The following SPAG16 variants were observed in gnomAD, a reference collection of about 807,000 sequenced individuals.
SPAG16 encodes the protein sperm-associated antigen 16 protein.
In SPAG16, 86 loss-of-function variants were observed where a neutral mutation model predicts 80.4. That is an observed-to-expected ratio of 1.07 (90% CI 0.90 to 1.28). SPAG16 has a LOEUF of 1.28. SPAG16 is among the 50% of genes most tolerant of loss of function. SPAG16 has a pLI of 0.00. For missense variants in SPAG16, 870 were observed against 765.3 expected (o/e 1.14, Z -1.61); for synonymous variants, 294 against 265.9 (o/e 1.11, Z -1.03).
At chr2:214,187,223 C>T (rs2057508880) in intron 15 of SPAG16, among the ~76,000 whole-genome samples, 1 of 152,150 alleles carries the variant, frequency 6.6e-6, no homozygotes, top group Non-Finnish European at 1.5e-5. Flanking sequence ...CACACACACA[C>T]ACAAAGTTCC....
intron 8 of SPAG16, among the ~76,000 whole-genome samples, chr2:213,367,649 G>A (rs925146483): frequency 8.6e-5 from 13 of 151,876 alleles, no homozygotes; most frequent in South Asian, 8.3e-4. Flanking sequence ...TTTTTTTCTT[G>A]TAAATTGGTT....
chr2:213,832,671 G>A (rs2073738343), intron 10 of SPAG16, among the ~76,000 whole-genome samples: 1 of 152,050 alleles, frequency 6.6e-6, no homozygotes, highest in Non-Finnish European at 1.5e-5. Flanking sequence ...TCCTTGCTAG[G>A]TTTTCCCCTC....
chr2:214,239,485 C>T (rs1336929414), intron 15 of SPAG16: 1 of 152,144 alleles, frequency 6.6e-6, no homozygotes, highest in Non-Finnish European at 1.5e-5. Context: ...GTAAAGCTCT[C>T]TTCTTTTTCA....
chr2:213,834,881 A>G (rs2073989919), intron 10 of SPAG16, among the ~76,000 whole-genome samples: 1 of 152,166 alleles, frequency 6.6e-6, no homozygotes, highest in Admixed American at 6.5e-5. Context: ...AGAAGGACTG[A>G]TAGCTTTTGT....
At chr2:213,751,801 C>A (rs907300583) in intron 10 of SPAG16, among the ~76,000 whole-genome samples, 3 of 152,114 alleles carry the variant, frequency 2.0e-5, no homozygotes, top group African/African-American at 7.2e-5. Flanking sequence ...CAGTGAGATA[C>A]TTAGGCATTA....
chr2:213,994,453 C>A (rs2046422975), intron 12 of SPAG16, among the ~76,000 whole-genome samples: 2 of 151,992 alleles, frequency 1.3e-5, no homozygotes, highest in African/African-American at 2.4e-5. Flanking sequence ...TTCTGGTCAA[C>A]AGAATGATTC....
chr2:214,104,428 G>A (rs1287570429), intron 13 of SPAG16, among the ~76,000 whole-genome samples: 4 of 152,104 alleles, frequency 2.6e-5, no homozygotes, highest in African/African-American at 9.7e-5. Flanking sequence ...GTGGGGTGGA[G>A]TGGGAGAAGG....
chr2:213,915,295 G>C (rs1188109173), intron 11 of SPAG16, among the ~76,000 whole-genome samples: 2 of 150,750 alleles, frequency 1.3e-5, no homozygotes, highest in African/African-American at 4.9e-5. Flanking sequence ...CCACCCCTCA[G>C]CAGGCCCCAG....
chr2:213,342,696 TA>T (rs1162024244), intron 6 of SPAG16, among the ~76,000 whole-genome samples: 1 of 152,024 alleles, frequency 6.6e-6, no homozygotes, highest in Non-Finnish European at 1.5e-5. Flanking sequence ...TATGTCATTG[TA>T]AATAGTATAG....
intron 9 of SPAG16, among the ~76,000 whole-genome samples, chr2:213,484,871 C>G (rs1338100083): frequency 1.3e-5 from 2 of 152,132 alleles, no homozygotes; most frequent in African/African-American, 4.8e-5. Context: ...ACTAATAAGA[C>G]CTTGCTTTAT....
chr2:213,848,808 C>G (rs1336679720), intron 10 of SPAG16, among the ~76,000 whole-genome samples: 9 of 152,134 alleles, frequency 5.9e-5, no homozygotes, highest in Non-Finnish European at 8.8e-5. Flanking sequence ...TAGTGAGTGC[C>G]AAACCCAGAC....
intron 15 of SPAG16, among the ~76,000 whole-genome samples, chr2:214,244,796 C>T (rs1227341030): frequency 1.3e-5 from 2 of 151,992 alleles, no homozygotes; most frequent in South Asian, 2.1e-4. Flanking sequence ...GATTATTATA[C>T]TTTCATTAAT....
chr2:214,195,550 C>T (rs970294883), intron 15 of SPAG16, among the ~76,000 whole-genome samples: 14 of 151,806 alleles, frequency 9.2e-5, no homozygotes, highest in African/African-American at 3.4e-4. Flanking sequence ...ACAAACTTTG[C>T]GCATAAAACT....
intron 10 of SPAG16, among the ~76,000 whole-genome samples, chr2:213,572,363 G>C (rs1349317228): frequency 9.0e-6 from 1 of 111,668 alleles, no homozygotes; most frequent in African/African-American, 3.7e-5. Context: ...CCCCATCTTT[G>C]TGGTTTTATC....
At position 213,728,172 on chromosome 2, in the gene SPAG16, T is replaced by A. The variant is rs141714606; in HGVS notation, c.1071-134313T>A. 1.4e-4 allele frequency among the ~76,000 whole-genome samples: 21 copies of A among 152,280 alleles called. No individual in the cohort carries two copies. In the East Asian group the frequency reaches 3.9e-3, roughly 28 times the overall value. Reference sequence around the variant, plus strand: ...CCAAATGACAGTTCTTAAATCTCACTGGCTTAATGCAATAATCATTTTTTC... The same window carrying A: ...CCAAATGACAGTTCTTAAATCTCACAGGCTTAATGCAATAATCATTTTTTC... On this transcript the variant is annotated intron_variant, in intron 10 of 15. Transcript: ENST00000331683.
chr2:213,745,645 T>C (rs909356855), intron 10 of SPAG16, among the ~76,000 whole-genome samples: 3 of 152,254 alleles, frequency 2.0e-5, no homozygotes, highest in Non-Finnish European at 4.4e-5. Flanking sequence ...AAAATTGTTA[T>C]ATTTAAAAAT....
intron 15 of SPAG16, among the ~76,000 whole-genome samples, chr2:214,220,344 A>G (rs1260931086): frequency 6.6e-6 from 1 of 152,160 alleles, no homozygotes. Flanking sequence ...TGGACTTCTG[A>G]TTCTGGATAG....
chr2:213,509,835 A>G (rs2075151354), intron 10 of SPAG16, among the ~76,000 whole-genome samples: 1 of 152,212 alleles, frequency 6.6e-6, no homozygotes, highest in African/African-American at 2.4e-5. Flanking sequence ...AACTGAAGGA[A>G]ATTGAGACAC....
intron 10 of SPAG16, among the ~76,000 whole-genome samples, chr2:213,780,608 A>G (rs1328394966): frequency 1.4e-5 from 2 of 140,634 alleles, no homozygotes. Flanking sequence ...GCGGGGGTGA[A>G]TCTCAACTAT....
Sources: gnomAD v4.1 joint callset for allele counts (sites outside exome capture counted in the v4.1 genomes callset) on GRCh38, gnomAD v4.1.1 for gene constraint, MANE v1.5 for transcripts, NCBI Gene and HGNC (gene_info 2026-07-23, HGNC 2026-07-21) for gene names.